Variants in SCAPER observed in about 807,000 individuals in gnomAD.
SCAPER encodes the protein S-phase cyclin A associated protein in the ER, also known as S phase cyclin A-associated protein in the endoplasmic reticulum.
A neutral mutation model predicts 182.2 loss-of-function variants in SCAPER; 98 were observed. The observed-to-expected ratio is 0.54, with a 90% CI of 0.46 to 0.64. The LOEUF is 0.64. Among genes scored for constraint, SCAPER ranks in the 30% least tolerant of loss-of-function variants. SCAPER has a pLI of 0.00. For missense variants in SCAPER, 1,432 were observed against 1,690.0 expected (o/e 0.85, Z 2.68); for synonymous variants, 605 against 564.6 (o/e 1.07, Z -1.01).
intron 17 of SCAPER, among the ~76,000 whole-genome samples, chr15:76,723,742 G>A (rs981647465): frequency 1.3e-5 from 2 of 152,130 alleles, no homozygotes; most frequent in African/African-American, 2.4e-5. Context: ...GACTAGGATT[G>A]CAACCCCTGC....
chr15:76,443,665 G>A (rs2047779414), intron 25 of SCAPER, among the ~76,000 whole-genome samples: 1 of 152,176 alleles, frequency 6.6e-6, no homozygotes, highest in African/African-American at 2.4e-5. Context: ...TTCTCAACTG[G>A]TAGCTTATAC....
At chr15:76,775,716 T>A (rs1358425106) in intron 8 of SCAPER, among the ~76,000 whole-genome samples, 2 of 152,102 alleles carry the variant, frequency 1.3e-5, no homozygotes, top group Non-Finnish European at 2.9e-5. Context: ...ATTTTTAGGA[T>A]AAAATTATAG....
At chr15:76,460,022 G>C (rs770707164) in intron 25 of SCAPER, among the ~76,000 whole-genome samples, 1 of 152,002 alleles carries the variant, frequency 6.6e-6, no homozygotes, top group Non-Finnish European at 1.5e-5. Context: ...CTCTTCCATC[G>C]ATCTGTATGG....
intron 2 of SCAPER, among the ~76,000 whole-genome samples, chr15:76,876,985 C>T (rs58934799): frequency 0.051 from 7,772 of 152,236 alleles, 589 homozygotes; most frequent in African/African-American, 0.16. Flanking sequence ...ACTGTAATCC[C>T]AACACTCTGG....
intron 14 of SCAPER, 57 bp downstream of exon 14, chr15:76,764,904 T>A (rs894141381): frequency 2.2e-5 from 22 of 1,010,344 alleles, no homozygotes; most frequent in Non-Finnish European, 3.0e-5. Flanking sequence ...GAAGTAGAGT[T>A]GAAAATAAGC....
Position 76,433,553 on chromosome 15 carries a change from C to T in SCAPER, c.3311+525G>A, listed in dbSNP as rs546467092. Among the ~76,000 whole-genome samples, 5 of 152,150 alleles carry T rather than the reference C, an allele frequency of 3.3e-5. No individual in the cohort carries two copies. The South Asian group carries it at 8.3e-4, about 25-fold the overall frequency. Reference sequence around the variant, plus strand: ...ACCAAGAATGATACCTGAGCTCTACCTATATTGCTACTTAATATTTACCCT... The same window carrying T: ...ACCAAGAATGATACCTGAGCTCTACTTATATTGCTACTTAATATTTACCCT... On this transcript the variant is annotated intron_variant, in intron 26 of 31. Coordinates refer to ENST00000563290, the MANE Select transcript of SCAPER (RefSeq NM_020843.4).
intron 5 of SCAPER, among the ~76,000 whole-genome samples, chr15:76,830,692 A>T (rs2068390490): frequency 6.6e-6 from 1 of 152,066 alleles, no homozygotes; most frequent in South Asian, 2.1e-4. Context: ...GGAAGGAGAT[A>T]TCATGAACTT....
chr15:76,789,117 A>T (rs2064825960), intron 8 of SCAPER, among the ~76,000 whole-genome samples: 2 of 152,186 alleles, frequency 1.3e-5, no homozygotes, highest in Non-Finnish European at 2.9e-5. Flanking sequence ...TATGAAACTG[A>T]AAAATAATGC....
At position 76,481,617 on chromosome 15, in the gene SCAPER, C is replaced by T. The variant is rs73442188; in HGVS notation, c.2955-10282G>A. Among the ~76,000 whole-genome samples the T allele has an allele frequency of 4.3e-3, 660 of 152,226 alleles. 7 individuals carry two copies. The highest frequency in any genetic ancestry group is 0.015 in the African/African-American group (628 of 41,512). On this transcript the variant is annotated intron_variant, in intron 24 of 31. Transcript: ENST00000563290. The stretch of plus-strand genomic sequence containing the variant: ...ATAAGGAAAACATCCTTGAAATCAC[C>T]ACTCAGGTCCAGAATTTTGTTACTA...
chr15:76,791,392 GAGA>G (rs2064997541), intron 8 of SCAPER, among the ~76,000 whole-genome samples: 1 of 152,160 alleles, frequency 6.6e-6, no homozygotes, highest in Admixed American at 6.5e-5. Context: ...CCTGAGAAGA[GAGA>G]AGGACAACGA....
At chr15:76,727,827 A>G (rs899536862) in intron 17 of SCAPER, among the ~76,000 whole-genome samples, 9 of 152,066 alleles carry the variant, frequency 5.9e-5, no homozygotes, top group African/African-American at 2.2e-4. Context: ...CTTAGTATCT[A>G]GTAAAGATAA....
chr15:76,428,540 T>C (rs2046598002), intron 26 of SCAPER, among the ~76,000 whole-genome samples: 1 of 152,050 alleles, frequency 6.6e-6, no homozygotes, highest in Non-Finnish European at 1.5e-5. Flanking sequence ...AGGACAAATA[T>C]TGCATGATCT....
At chr15:76,899,313 C>A (rs35157989) in intron 1 of SCAPER, among the ~76,000 whole-genome samples, 1 of 151,968 alleles carries the variant, frequency 6.6e-6, no homozygotes, top group Admixed American at 6.5e-5. Flanking sequence ...TCCAGGCACG[C>A]GCCGCCACTC....
At chr15:76,676,999 T>C (rs1445055671) in intron 20 of SCAPER, among the ~76,000 whole-genome samples, 1 of 152,044 alleles carries the variant, frequency 6.6e-6, no homozygotes, top group East Asian at 1.9e-4. Context: ...TTGTACAATA[T>C]CTGTTGTATA....
intron 8 of SCAPER, among the ~76,000 whole-genome samples, chr15:76,779,685 A>G (rs910624698): frequency 2.7e-5 from 4 of 148,338 alleles, no homozygotes; most frequent in African/African-American, 5.0e-5. Context: ...ATTTCAAGTT[A>G]TGCAAAGCTA....
intron 29 of SCAPER, among the ~76,000 whole-genome samples, chr15:76,372,839 T>C (rs1392366737): frequency 6.6e-6 from 1 of 152,076 alleles, no homozygotes; most frequent in African/African-American, 2.4e-5. Flanking sequence ...GATTCTGATA[T>C]AATGTTAAGT....
chr15:76,652,603 C>T (rs1185317557), intron 21 of SCAPER, among the ~76,000 whole-genome samples: 2 of 147,846 alleles, frequency 1.4e-5, no homozygotes, highest in East Asian at 4.0e-4. Context: ...CCCAGCTACT[C>T]GGGAGGCTGA....
rs969138285 is a variant in SCAPER, at chr15:76,795,329, G to A, written c.723C>T (p.Pro241=). The change falls in exon 8 of 32, where the codon CCC becomes CCT. Residue 241 remains proline, a synonymous_variant. Transcript: ENST00000563290. The part of the protein sequence containing the change: ...TGSTASSEIT[P]AQSCPPMTVQ... ...CTGTCATTGGTGGGCAAGACTGGGC[G>A]GGTGTTATTTCTGAAGAAGCAGTAG... 1.3e-5 allele frequency: 21 copies of A among 1,613,260 alleles called. No individual in the cohort carries two copies. Among genetic ancestry groups the A allele is most frequent in the South Asian group, 2.2e-5 (2 of 91,028 alleles).
chr15:76,573,293 TA>T (rs2047580615), intron 23 of SCAPER, among the ~76,000 whole-genome samples: 1 of 152,196 alleles, frequency 6.6e-6, no homozygotes, highest in African/African-American at 2.4e-5. Context: ...GTAACAATCT[TA>T]CTCTAAATTG....
Sources: allele counts gnomAD v4.1 joint callset (sites outside exome capture counted in the v4.1 genomes callset), GRCh38; gene constraint gnomAD v4.1.1; transcripts MANE v1.5; gene names NCBI Gene and HGNC (gene_info 2026-07-23, HGNC 2026-07-21).